Variants in TRIML2 observed in about 807,000 individuals in gnomAD.
TRIML2 encodes tripartite motif family like 2, also known as probable E3 ubiquitin-protein ligase TRIML2.
A neutral mutation model predicts 31.2 loss-of-function variants in TRIML2; 28 were observed. The observed-to-expected ratio is 0.90, with a 90% CI of 0.66 to 1.23. The LOEUF (loss-of-function observed/expected upper bound fraction) is 1.23, where lower values mean the gene tolerates loss of function less well. Ranked by LOEUF, TRIML2 falls within the 50% of genes most tolerant of loss-of-function variation. The probability of loss-of-function intolerance (pLI) is 0.00; values close to 1 mark genes in which losing one functional copy is unlikely to be tolerated. For synonymous variants in TRIML2, 187 were observed against 197.5 expected, an observed-to-expected ratio of 0.95 and a Z score of 0.45; for missense variants, 536 against 528.3, an observed-to-expected ratio of 1.01 and a Z score of -0.14.
intron 7 of TRIML2, among the ~76,000 whole-genome samples, chr4:188,096,655 A>C (rs1359527602): frequency 1.3e-5 from 2 of 151,124 alleles, no homozygotes; most frequent in East Asian, 2.0e-4. Flanking sequence ...AGTCTCCTAA[A>C]ATTTTTATTT....
chr4:188,094,476 G>A (rs2111158107), intron 7 of TRIML2, among the ~76,000 whole-genome samples: 1 of 152,184 alleles, frequency 6.6e-6, no homozygotes, highest in Middle Eastern at 3.4e-3. Context: ...CTATATACTT[G>A]CAATGAACTA....
At chr4:188,102,972 G>T (rs1435723895) in intron 3 of TRIML2, among the ~76,000 whole-genome samples, 1 of 146,794 alleles carries the variant, frequency 6.8e-6, no homozygotes, top group African/African-American at 2.5e-5. Flanking sequence ...AAGTCCCTTT[G>T]CACGTCTCTC....
intron 3 of TRIML2, among the ~76,000 whole-genome samples, chr4:188,103,406 G>C (rs1019377231): frequency 6.6e-6 from 1 of 152,122 alleles, no homozygotes; most frequent in Non-Finnish European, 1.5e-5. Context: ...CAGTGGTTTT[G>C]AAGCTTGTAT....
chr4:188,091,589 C>G lies in TRIML2; in HGVS notation c.1098G>C (p.Lys366Asn). 6.2e-7 allele frequency: 1 copy of G among 1,614,176 alleles called. No individual in the cohort carries two copies. Among genetic ancestry groups the G allele is most frequent in the Non-Finnish European group, 8.5e-7 (1 of 1,180,028 alleles). ...CAAGGAAAACGCCAACTGTGTCCAA[C>G]TTCTTTTCCAGGAAGAGCCTTTTCA... ...PPLKRLFLEK[K>N]LDTVGVFLDC... The change falls in exon 8 of 8, where the codon AAG becomes AAC. Residue 366 changes from lysine to asparagine, a missense_variant. Transcript: ENST00000682553.
In TRIML2 at chr4:188,101,119, G is replaced by A. The variant is rs566742841; in HGVS notation, c.417C>T (p.Thr139=). ...CAAGCTTGATCGCTTGATTCAGAAG[G>A]GTTTCTCTCAGGTTCAAGTCAGATA... is the stretch of plus-strand genomic sequence containing the variant. The part of the protein sequence containing the change: ...ECISDLNLRE[T]LLNQAIKLAT... Residue 139 remains threonine, a synonymous_variant, in exon 4 of 8, where the codon ACC becomes ACT. Coordinates refer to ENST00000682553, the MANE Select transcript of TRIML2 (RefSeq NM_173553.4). The A allele has an allele frequency of 6.2e-7, 1 of 1,612,996 alleles. No individual in the cohort carries two copies. The highest frequency in any genetic ancestry group is 1.1e-5 in the South Asian group (1 of 90,918).
In TRIML2 at chr4:188,091,923, G is replaced by A. The variant is rs757257027; in HGVS notation, c.764C>T (p.Pro255Leu). Reference sequence around the variant, plus strand: ...TGCCAGGCAGGGATGAGCTGTTTCAGGATCCAATGTTAAATGTCCTATCAG... The same window carrying A: ...TGCCAGGCAGGGATGAGCTGTTTCAAGATCCAATGTTAAATGTCCTATCAG... ...RVLQRHLTLD[P>L]ETAHPCLALS... The change falls in exon 8 of 8, where the codon CCT becomes CTT. Residue 255 changes from proline to leucine, a missense_variant. Transcript: ENST00000682553. The A allele has an allele frequency of 6.2e-7, 1 of 1,610,690 alleles. No individual in the cohort carries two copies. Among genetic ancestry groups the A allele is most frequent in the African/African-American group, 1.3e-5 (1 of 75,024 alleles).
chr4:188,095,651 T>C (rs1013067164), intron 7 of TRIML2, among the ~76,000 whole-genome samples: 2 of 152,172 alleles, frequency 1.3e-5, no homozygotes, highest in African/African-American at 4.8e-5. Context: ...CGCACGTTAT[T>C]GGTGGGAAGG....
At chr4:188,101,869 G>A (rs1430985269) in intron 3 of TRIML2, among the ~76,000 whole-genome samples, 3 of 151,932 alleles carry the variant, frequency 2.0e-5, no homozygotes, top group Non-Finnish European at 4.4e-5. Context: ...GGTGGTTCAC[G>A]CCTGTAATCC....
At chr4:188,099,255 T>C in intron 4 of TRIML2, 80 bp from the exon 5 acceptor site, 1 of 1,490,746 alleles carries the variant, frequency 6.7e-7, no homozygotes, top group Non-Finnish European at 9.0e-7. Flanking sequence ...TATAGATTAA[T>C]TCAACCATGT....
chr4:188,095,440 A>G (rs1042499176), intron 7 of TRIML2, among the ~76,000 whole-genome samples: 1 of 152,358 alleles, frequency 6.6e-6, no homozygotes, highest in South Asian at 2.1e-4. Flanking sequence ...ATACAACCCA[A>G]TTTAGAAAAG....
intron 7 of TRIML2, 69 bp from the exon 8 acceptor site, chr4:188,092,010 A>G: frequency 2.7e-6 from 4 of 1,496,600 alleles, no homozygotes; most frequent in South Asian, 1.3e-5. Flanking sequence ...ATGATTTCTA[A>G]CACACCTGGG....
chr4:188,101,296 T>G, intron 3 of TRIML2, 46 bp from the exon 4 acceptor site: 1 of 1,229,012 alleles, frequency 8.1e-7, no homozygotes, highest in South Asian at 1.3e-5. Context: ...CATGATAGAT[T>G]AACAACACAC....
chr4:188,106,199 G>A (rs949212537), intron 1 of TRIML2, among the ~76,000 whole-genome samples: 18 of 119,522 alleles, frequency 1.5e-4, no homozygotes, highest in East Asian at 1.4e-3. Flanking sequence ...TCAGGCGCCC[G>A]CCACCTCGCC....
chr4:188,097,020 G>A (rs770893963), intron 7 of TRIML2, 41 bp downstream of exon 7: 3 of 1,386,018 alleles, frequency 2.2e-6, no homozygotes, highest in African/African-American at 2.8e-5. Flanking sequence ...ATTCTCAAAT[G>A]CAGAACAGTG....
At chr4:188,099,342 G>A (rs1043430445) in intron 4 of TRIML2, among the ~76,000 whole-genome samples, 167 bp from the exon 5 acceptor site, 1 of 152,130 alleles carries the variant, frequency 6.6e-6, no homozygotes, top group Non-Finnish European at 1.5e-5. Flanking sequence ...CAAGGCCGGC[G>A]GATCATGAGG....
intron 3 of TRIML2, among the ~76,000 whole-genome samples, chr4:188,102,314 G>A (rs1733832576): frequency 6.6e-6 from 1 of 151,954 alleles, no homozygotes; most frequent in Non-Finnish European, 1.5e-5. Context: ...TTTAGACTAA[G>A]CAACTGGAAG....
At chr4:188,101,499 T>C (rs568915384) in intron 3 of TRIML2, among the ~76,000 whole-genome samples, 4 of 151,056 alleles carry the variant, frequency 2.6e-5, no homozygotes, top group East Asian at 2.0e-4. Flanking sequence ...ATCGAGACCA[T>C]ACTGGCCAGC....
chr4:188,106,258 A>T (rs924852304), intron 1 of TRIML2, among the ~76,000 whole-genome samples: 4 of 152,040 alleles, frequency 2.6e-5, no homozygotes, highest in Non-Finnish European at 4.4e-5. Context: ...TCACCGTGTT[A>T]GCCAGGATGG....
At chr4:188,095,419 A>C (rs983836367) in intron 7 of TRIML2, among the ~76,000 whole-genome samples, 1 of 152,202 alleles carries the variant, frequency 6.6e-6, no homozygotes, top group African/African-American at 2.4e-5. Context: ...AAATTATAAA[A>C]CTCAAGAGAC....
Sources: gnomAD v4.1 joint callset for allele counts (sites outside exome capture counted in the v4.1 genomes callset) on GRCh38, gnomAD v4.1.1 for gene constraint, MANE v1.5 for transcripts, NCBI Gene and HGNC (gene_info 2026-07-23, HGNC 2026-07-21) for gene names.